The following HEATR1 variants were observed in gnomAD, a reference collection of about 807,000 sequenced individuals.
HEATR1 encodes HEAT repeat-containing protein 1.
In HEATR1, 77 loss-of-function variants were observed where a neutral mutation model predicts 248.2. The ratio of observed to expected loss-of-function variants is 0.31; its 90% CI spans 0.26 to 0.37. The LOEUF is 0.37. Among genes scored for constraint, HEATR1 ranks in the 10% least tolerant of loss-of-function variants. HEATR1 has a pLI of 1.00. For synonymous variants in HEATR1, 897 were observed against 923.1 expected, an observed-to-expected ratio of 0.97 and a Z score of 0.51; for missense variants, 2,420 against 2,504.9, an observed-to-expected ratio of 0.97 and a Z score of 0.72.
rs769674084 is a variant in HEATR1 at position 236,585,241 on chromosome 1, A to G, written c.2050-25T>C. On this transcript the variant is annotated intron_variant, in intron 16 of 44. Coordinates refer to ENST00000366582, the MANE Select transcript of HEATR1 (RefSeq NM_018072.6). The stretch of plus-strand genomic sequence containing the variant: ...CCTTGAAAAATAAACACACTCTATT[A>G]CCAGTTGCTCTTGATTTTCATAAAA... The G allele has an allele frequency of 2.6e-6, 4 of 1,566,960 alleles. No individual in the cohort carries two copies. In the African/African-American group the frequency reaches 4.1e-5, roughly 16 times the overall value.
At chr1:236,583,706 C>T (rs778565236) in intron 17 of HEATR1, among the ~76,000 whole-genome samples, 4 of 151,916 alleles carry the variant, frequency 2.6e-5, no homozygotes, top group African/African-American at 7.3e-5. Flanking sequence ...AGGTTGGTCT[C>T]GAACTCCTGT....
chr1:236,574,146 C>A, intron 24 of HEATR1, 56 bp downstream of exon 24: 1 of 1,482,618 alleles, frequency 6.7e-7, no homozygotes. Flanking sequence ...ACATGGTGTC[C>A]CTTGGAAGAG....
chr1:236,589,911 T>C (rs868399314), intron 12 of HEATR1, among the ~76,000 whole-genome samples: 1 of 152,038 alleles, frequency 6.6e-6, no homozygotes, highest in Admixed American at 6.6e-5. Flanking sequence ...TAAAGAAAAA[T>C]TGTGAGAAAA....
At chr1:236,577,803 A>AT (rs1391926326) in intron 20 of HEATR1, among the ~76,000 whole-genome samples, 5 of 152,124 alleles carry the variant, frequency 3.3e-5, no homozygotes, top group Non-Finnish European at 5.9e-5. Context: ...ATTATTTTTT[A>AT]ATTGTATACT....
intron 34 of HEATR1, 40 bp from the exon 35 acceptor site, chr1:236,559,175 A>G: frequency 6.6e-7 from 1 of 1,505,270 alleles, no homozygotes; most frequent in Non-Finnish European, 8.9e-7. Flanking sequence ...AAGAAAAACA[A>G]ATTAAAAAAA....
chr1:236,602,421 A>C (rs1664350449), intron 3 of HEATR1, among the ~76,000 whole-genome samples: 1 of 152,248 alleles, frequency 6.6e-6, no homozygotes, highest in Admixed American at 6.5e-5. Flanking sequence ...AAATGAGATA[A>C]TGCAGATAAA....
At chr1:236,559,875 A>T in intron 33 of HEATR1, 38 bp from the exon 34 acceptor site, 1 of 1,569,292 alleles carries the variant, frequency 6.4e-7, no homozygotes, top group Middle Eastern at 1.7e-4. Flanking sequence ...CGGCAGCTGA[A>T]GGCACTCAGA....
At chr1:236,579,651 T>C (rs373684240) in intron 20 of HEATR1, among the ~76,000 whole-genome samples, 3 of 152,116 alleles carry the variant, frequency 2.0e-5, no homozygotes, top group East Asian at 1.9e-4. Flanking sequence ...GTTGTTCTTA[T>C]CCAAATATAA....
chr1:236,559,914 A>T (rs1194949142), intron 33 of HEATR1, 77 bp from the exon 34 acceptor site: 6 of 1,396,134 alleles, frequency 4.3e-6, no homozygotes, highest in Non-Finnish European at 5.8e-6. Context: ...CTTATGCTAA[A>T]TGTTTCAAGT....
At chr1:236,562,749 AAC>A (rs1008895748) in intron 32 of HEATR1, among the ~76,000 whole-genome samples, 56 of 29,426 alleles carry the variant, frequency 1.9e-3, no homozygotes, top group African/African-American at 7.4e-3. Flanking sequence ...TTCATGCGTA[AAC>A]ACAGTGTCTC....
At chr1:236,600,940 G>A (rs922232816) in intron 3 of HEATR1, among the ~76,000 whole-genome samples, 2 of 152,076 alleles carry the variant, frequency 1.3e-5, no homozygotes, top group Admixed American at 1.3e-4. Context: ...CTTTATTATG[G>A]CATTTATTTC....
rs1663451113 is a variant in HEATR1, at chr1:236,572,336, GA to G, written c.3707+74del. On this transcript the variant is annotated intron_variant, in intron 26 of 44. Coordinates refer to ENST00000366582, the MANE Select transcript of HEATR1 (RefSeq NM_018072.6). ...TATCTAAACAAGAGAAGAGTATGTT[GA>G]AAAGAGAATGTTAGATAAGATGGGC... 10 of 1,442,348 alleles carry G rather than the reference GA, an allele frequency of 6.9e-6. No homozygotes were observed. In the Admixed American group the frequency reaches 1.8e-4, roughly 27 times the overall value. The allele number at this position is 1,442,348 out of a possible 1,614,324, so 89.3% of individuals were successfully genotyped here. A position where few individuals can be genotyped will look rare whatever the true frequency, so the allele number is the denominator to read the frequency against.
intron 11 of HEATR1, 123 bp downstream of exon 11, chr1:236,591,870 G>C (rs2794760): frequency 7.0e-5 from 41 of 582,514 alleles, no homozygotes; most frequent in Non-Finnish European, 1.2e-4. Flanking sequence ...GCAAACTGTA[G>C]AAGGTTATCT....
At chr1:236,602,315 G>A (rs989618831) in intron 3 of HEATR1, among the ~76,000 whole-genome samples, 2 of 152,190 alleles carry the variant, frequency 1.3e-5, no homozygotes, top group Non-Finnish European at 2.9e-5. Flanking sequence ...TACTAGCTGT[G>A]TGACTCAAGA....
At chr1:236,602,284 C>T (rs1435216083) in intron 3 of HEATR1, among the ~76,000 whole-genome samples, 1 of 152,220 alleles carries the variant, frequency 6.6e-6, no homozygotes, top group Non-Finnish European at 1.5e-5. Context: ...TAAACTTCAG[C>T]TGTATCCTAG....
intron 16 of HEATR1, among the ~76,000 whole-genome samples, chr1:236,585,522 A>G (rs1210997074): frequency 6.6e-6 from 1 of 152,134 alleles, no homozygotes; most frequent in Non-Finnish European, 1.5e-5. Flanking sequence ...TGCTATTTTA[A>G]CAACAACAAC....
At chr1:236,578,706 T>C (rs1211500233) in intron 20 of HEATR1, among the ~76,000 whole-genome samples, 1 of 152,230 alleles carries the variant, frequency 6.6e-6, no homozygotes, top group Non-Finnish European at 1.5e-5. Context: ...GATTTTTACA[T>C]AATATTATTC....
At chr1:236,565,076 C>T (rs926632949) in intron 31 of HEATR1, among the ~76,000 whole-genome samples, 5 of 152,190 alleles carry the variant, frequency 3.3e-5, no homozygotes, top group Admixed American at 1.3e-4. Context: ...TTACCCACAT[C>T]ACCACATATA....
At chr1:236,568,907 A>AC in intron 29 of HEATR1, 89 bp downstream of exon 29, 7 of 960,820 alleles carry the variant, frequency 7.3e-6, no homozygotes, top group Middle Eastern at 3.3e-4. Flanking sequence ...ACAAAAAAAA[A>AC]AAACTAAAAA....
Sources: allele counts gnomAD v4.1 joint callset (sites outside exome capture counted in the v4.1 genomes callset), GRCh38; gene constraint gnomAD v4.1.1; transcripts MANE v1.5; gene names NCBI Gene and HGNC (gene_info 2026-07-23, HGNC 2026-07-21).